PLCD4: variants seen among roughly 807,000 people sequenced by gnomAD.
PLCD4 encodes the protein phospholipase C delta 4.
In PLCD4, 63 loss-of-function variants were observed where a neutral mutation model predicts 90.2. The observed-to-expected ratio is 0.70, with a 90% CI of 0.57 to 0.86. The LOEUF (loss-of-function observed/expected upper bound fraction) is 0.86. Among genes scored for constraint, PLCD4 ranks in the 40% least tolerant of loss-of-function variants. PLCD4 has a pLI of 0.00. For synonymous variants in PLCD4, 294 were observed against 356.5 expected (o/e 0.82, Z 1.97); for missense variants, 830 against 956.3 (o/e 0.87, Z 1.74).
intron 1 of PLCD4, among the ~76,000 whole-genome samples, chr2:218,614,630 C>G (rs1695498946): frequency 6.7e-6 from 1 of 150,022 alleles, no homozygotes; most frequent in African/African-American, 2.5e-5. Context: ...TTTTGTATTA[C>G]TAGTGAGACG....
At chr2:218,614,003 T>TTTC (rs562138658) in intron 1 of PLCD4, among the ~76,000 whole-genome samples, 3 of 151,196 alleles carry the variant, frequency 2.0e-5, no homozygotes, top group African/African-American at 4.9e-5. Flanking sequence ...GCATATATCT[T>TTTC]TTCTTCTTCT....
chr2:218,622,152 G>A (rs1695915433), intron 5 of PLCD4: 1 of 152,374 alleles, frequency 6.6e-6, no homozygotes, highest in South Asian at 2.1e-4. Flanking sequence ...ATGTTATTAT[G>A]TTGGACCTCA....
intron 3 of PLCD4, 136 bp downstream of exon 3, chr2:218,616,198 G>C: frequency 1.0e-6 from 1 of 996,842 alleles, no homozygotes; most frequent in Non-Finnish European, 1.5e-6. Context: ...GCCTGTAAAA[G>C]GAGATCATAA....
intron 7 of PLCD4, chr2:218,628,986 C>T (rs1482301579): frequency 3.9e-5 from 6 of 154,004 alleles, no homozygotes; most frequent in Admixed American, 3.8e-4. Context: ...GAGGCCGAGG[C>T]AGGGAGATCG....
chr2:218,623,656 A>G (rs1439361169), intron 6 of PLCD4, among the ~76,000 whole-genome samples: 1 of 152,034 alleles, frequency 6.6e-6, no homozygotes, highest in East Asian at 1.9e-4. Context: ...TAATGCTCTA[A>G]TATCTCTATG....
chr2:218,619,518 C>T (rs922280229), intron 4 of PLCD4, among the ~76,000 whole-genome samples: 19 of 152,138 alleles, frequency 1.2e-4, no homozygotes, highest in Non-Finnish European at 2.4e-4. Flanking sequence ...TGGTCTCGAA[C>T]TCTGGACCTC....
intron 7 of PLCD4, 46 bp downstream of exon 7, chr2:218,628,276 G>A (rs1309593322): frequency 6.4e-7 from 1 of 1,567,980 alleles, no homozygotes; most frequent in Admixed American, 1.7e-5. Flanking sequence ...GAGGGACCAT[G>A]TAGAAAAGTG....
intron 4 of PLCD4, among the ~76,000 whole-genome samples, chr2:218,619,108 C>G (rs1695759400): frequency 6.6e-6 from 1 of 152,094 alleles, no homozygotes; most frequent in Non-Finnish European, 1.5e-5. Flanking sequence ...ATCCCAGTGG[C>G]ATTAACCAGC....
chr2:218,635,637 G>A (rs564295622), intron 13 of PLCD4, among the ~76,000 whole-genome samples, 159 bp from the exon 14 acceptor site: 1 of 152,230 alleles, frequency 6.6e-6, no homozygotes, highest in South Asian at 2.1e-4. Flanking sequence ...CCGGCCTTTG[G>A]GTGCATTTTA....
At chr2:218,610,493 G>A (rs1484682467) in intron 1 of PLCD4, among the ~76,000 whole-genome samples, 4 of 151,438 alleles carry the variant, frequency 2.6e-5, no homozygotes, top group Non-Finnish European at 4.4e-5. Context: ...GGGCGACAGA[G>A]TGACACTCCG....
chr2:218,630,434 A>G (rs535760450), intron 8 of PLCD4, among the ~76,000 whole-genome samples: 1 of 152,322 alleles, frequency 6.6e-6, no homozygotes, highest in East Asian at 1.9e-4. Context: ...TTAGGATCCC[A>G]AGATGTGAAT....
intron 5 of PLCD4, among the ~76,000 whole-genome samples, 174 bp downstream of exon 5, chr2:218,621,773 C>A (rs759844990): frequency 6.6e-6 from 1 of 152,158 alleles, no homozygotes; most frequent in African/African-American, 2.4e-5. Context: ...TCTTGCCTTT[C>A]AGTCTTGTTG....
Position 218,628,039 on chromosome 2 carries a change from G to T in PLCD4, c.783G>T (p.Arg261=). The stretch of plus-strand genomic sequence containing the variant: ...CTGTCCACACTCCAGGCAAACTGCG[G>T]CATGTGCTGAGTATGGATGGCTTCC... ...RYEPSDSGKL[R]HVLSMDGFLS... The change falls in exon 7 of 16, where the codon CGG becomes CGT. Residue 261 remains arginine, a synonymous_variant. Transcript: ENST00000450993. The T allele has an allele frequency of 1.9e-6, 3 of 1,613,472 alleles. No homozygotes were observed. Among genetic ancestry groups the T allele is most frequent in the Non-Finnish European group, 2.5e-6 (3 of 1,179,588 alleles).
At chr2:218,608,915 G>T (rs1002300123) in intron 1 of PLCD4, among the ~76,000 whole-genome samples, 1 of 152,058 alleles carries the variant, frequency 6.6e-6, no homozygotes, top group Non-Finnish European at 1.5e-5. Flanking sequence ...GAGGCGGGTG[G>T]ATCACGAGGT....
At chr2:218,635,100 C>T (rs1559278736) in intron 13 of PLCD4, among the ~76,000 whole-genome samples, 1 of 151,676 alleles carries the variant, frequency 6.6e-6, no homozygotes, top group Non-Finnish European at 1.5e-5. Context: ...CCCGTCTCTA[C>T]AAAAAATTTA....
Position 218,634,599 on chromosome 2 carries a change from GC to G in PLCD4, c.1868del (p.Pro623LeufsTer8). The G allele has an allele frequency of 6.2e-7, 1 of 1,614,020 alleles. No individual in the cohort carries two copies. The highest frequency in any genetic ancestry group is 1.1e-5 in the South Asian group (1 of 91,082). ...TCTTTCCACCCTGAGAAGCCCATCA[GC>G]CCTTTCAAAGCCCAGACTCTCTTAA... ...QSSFHPEKPI[S>X]PFKAQTLLIQ... On this transcript the variant is annotated frameshift_variant, in exon 13 of 16. Coordinates refer to ENST00000450993, the MANE Select transcript of PLCD4 (RefSeq NM_032726.4). LOFTEE classifies it high-confidence loss of function. The surrounding 1 kb of genome is among the most constrained non-coding windows in gnomAD (Gnocchi z 4.0).
intron 7 of PLCD4, chr2:218,628,456 T>C: frequency 4.0e-6 from 2 of 494,816 alleles, no homozygotes; most frequent in Non-Finnish European, 7.2e-6. Context: ...GAAACTCTCC[T>C]GGAACTCAGA....
In PLCD4 at chr2:218,634,639, G is replaced by A. The variant is rs373654448; in HGVS notation, c.1896+9G>A. On this transcript the variant is annotated intron_variant, in intron 13 of 15. Coordinates refer to ENST00000450993, the MANE Select transcript of PLCD4 (RefSeq NM_032726.4). The surrounding 1 kb of genome is among the most constrained non-coding windows in gnomAD (Gnocchi z 4.0). Reference sequence around the variant, plus strand: ...AGACTCTCTTAATCCAGGTACAGTGGAAATAAACTGTTGGGAAGAAACTGA... The same window carrying A: ...AGACTCTCTTAATCCAGGTACAGTGAAAATAAACTGTTGGGAAGAAACTGA... 1.1e-4 allele frequency: 172 copies of A among 1,611,846 alleles called. No homozygotes were observed. The highest frequency in any genetic ancestry group is 1.4e-4 in the Non-Finnish European group (164 of 1,178,996).
At chr2:218,609,736 A>T (rs900740589) in intron 1 of PLCD4, 2 of 152,264 alleles carry the variant, frequency 1.3e-5, no homozygotes, top group Non-Finnish European at 2.9e-5. Flanking sequence ...ATCTCCTAGG[A>T]TACAGAGAAA....
Sources: allele counts gnomAD v4.1 joint callset (sites outside exome capture counted in the v4.1 genomes callset), GRCh38; gene constraint gnomAD v4.1.1; non-coding constraint Gnocchi (gnomAD v3.1); transcripts MANE v1.5; gene names NCBI Gene and HGNC (gene_info 2026-07-23, HGNC 2026-07-21).